CA5A: variants seen among roughly 807,000 people sequenced by gnomAD.
CA5A encodes the protein carbonic anhydrase 5A.
In CA5A, 28 loss-of-function variants were observed where a neutral mutation model predicts 37.1. That is an observed-to-expected ratio of 0.75 (90% confidence interval 0.56 to 1.03). The LOEUF (loss-of-function observed/expected upper bound fraction) is 1.03. CA5A is among the 50% of genes least tolerant of loss of function. The probability of loss-of-function intolerance (pLI) is 0.00; values close to 1 mark genes in which losing one functional copy is unlikely to be tolerated. For synonymous variants in CA5A, 171 were observed against 158.4 expected (o/e 1.08, Z -0.60); for missense variants, 444 against 399.9 (o/e 1.11, Z -0.94).
intron 2 of CA5A, among the ~76,000 whole-genome samples, chr16:87,922,668 C>T (rs556228655): frequency 6.6e-6 from 1 of 152,264 alleles, no homozygotes; most frequent in Non-Finnish European, 1.5e-5. Flanking sequence ...AGAGGCCCGT[C>T]TGGGCCCTGG....
At chr16:87,894,155 G>C (rs573578166) in intron 5 of CA5A, among the ~76,000 whole-genome samples, 1 of 151,882 alleles carries the variant, frequency 6.6e-6, no homozygotes, top group East Asian at 1.9e-4. Context: ...TTGAGGCAGA[G>C]TCTCACTCTG....
chr16:87,895,788 C>G (rs1395843403), intron 5 of CA5A, among the ~76,000 whole-genome samples: 1 of 152,114 alleles, frequency 6.6e-6, no homozygotes, highest in Non-Finnish European at 1.5e-5. Context: ...TTGTGTCTCT[C>G]ACTCAGCACG....
At chr16:87,910,121 C>T (rs567422184) in intron 2 of CA5A, among the ~76,000 whole-genome samples, 263 of 152,302 alleles carry the variant, frequency 1.7e-3, no homozygotes, top group Admixed American at 3.1e-3. Context: ...GAACTGGAAG[C>T]CACTGAAGCC....
chr16:87,909,472 G>A (rs868179568), intron 2 of CA5A, among the ~76,000 whole-genome samples: 2 of 152,376 alleles, frequency 1.3e-5, no homozygotes, highest in African/African-American at 2.4e-5. Flanking sequence ...GGAAGGCTGG[G>A]CCGCTGCGTT....
At chr16:87,926,466 C>T (rs1167216102) in intron 2 of CA5A, among the ~76,000 whole-genome samples, 1 of 152,212 alleles carries the variant, frequency 6.6e-6, no homozygotes, top group African/African-American at 2.4e-5. Flanking sequence ...CGCTGCAAGG[C>T]GAGCCCCACG....
chr16:87,896,050 A>G (rs955280167), intron 5 of CA5A, among the ~76,000 whole-genome samples: 4 of 152,244 alleles, frequency 2.6e-5, no homozygotes, highest in African/African-American at 7.2e-5. Context: ...ACACATCCCC[A>G]GGGCACAGAT....
At chr16:87,893,922 G>A (rs1040200646) in intron 5 of CA5A, among the ~76,000 whole-genome samples, 27 of 151,960 alleles carry the variant, frequency 1.8e-4, no homozygotes, top group Admixed American at 1.4e-3. Context: ...CCACACCAGG[G>A]TTTAAAATTA....
At chr16:87,889,742 G>A (rs2055686670) in intron 6 of CA5A, among the ~76,000 whole-genome samples, 1 of 151,958 alleles carries the variant, frequency 6.6e-6, no homozygotes, top group South Asian at 2.1e-4. Context: ...TTGCACTCCA[G>A]CCCGGGCAAG....
At chr16:87,909,501 A>C (rs1400917931) in intron 2 of CA5A, among the ~76,000 whole-genome samples, 4 of 152,242 alleles carry the variant, frequency 2.6e-5, no homozygotes, top group Non-Finnish European at 5.9e-5. Context: ...CAGCAGGTGC[A>C]GGGGCCGATG....
chr16:87,935,640 C>G (rs1386267978), intron 1 of CA5A, among the ~76,000 whole-genome samples: 1 of 152,174 alleles, frequency 6.6e-6, no homozygotes, highest in African/African-American at 2.4e-5. Flanking sequence ...CTTTGGGAGG[C>G]CAAGGTGGGT....
At chr16:87,913,860 G>A (rs746187897) in intron 2 of CA5A, among the ~76,000 whole-genome samples, 7 of 152,178 alleles carry the variant, frequency 4.6e-5, no homozygotes, top group African/African-American at 9.7e-5. Context: ...GGGTGCAGCC[G>A]TGTGTAGTGG....
At chr16:87,934,524 G>A (rs1298028706) in intron 1 of CA5A, among the ~76,000 whole-genome samples, 3 of 152,080 alleles carry the variant, frequency 2.0e-5, no homozygotes, top group Non-Finnish European at 4.4e-5. Context: ...GCTGGAGATC[G>A]CACCACTGCG....
chr16:87,892,555 T>TAATAATAAA (rs910885887), intron 5 of CA5A, among the ~76,000 whole-genome samples: 1 of 129,804 alleles, frequency 7.7e-6, no homozygotes, highest in African/African-American at 2.9e-5. Context: ...ATAATAATAA[T>TAATAATAAA]AAATTAATTA....
chr16:87,932,199 C>G lies in CA5A; in HGVS notation c.142+4110G>C, dbSNP rs1237724792. ...GATTGAGTGCACTCTACCCCCCCTC[C>G]CACGGCCGCTGCCTCCAGTCCTACC... On this transcript the variant is annotated intron_variant, in intron 1 of 6. Transcript: ENST00000649794. Among the ~76,000 whole-genome samples the G allele has an allele frequency of 2.0e-5, 3 of 152,158 alleles. No homozygotes were observed. In the East Asian group the frequency reaches 5.8e-4, roughly 29 times the overall value.
At chr16:87,927,082 G>GT in intron 1 of CA5A, 137 bp from the exon 2 acceptor site, 1 of 658,410 alleles carries the variant, frequency 1.5e-6, no homozygotes, top group South Asian at 1.9e-5. Context: ...AAACGGGCGC[G>GT]TGGGGGCCCC....
At chr16:87,916,105 T>C (rs13330981) in intron 2 of CA5A, among the ~76,000 whole-genome samples, 10,239 of 149,628 alleles carry the variant, frequency 0.068, 1,151 homozygotes, top group African/African-American at 0.24. Flanking sequence ...GAGGTGGAGC[T>C]TGCAGTGAGC....
chr16:87,904,340 CA>C (rs10648205), intron 3 of CA5A, among the ~76,000 whole-genome samples: 60 of 139,320 alleles, frequency 4.3e-4, no homozygotes, highest in Admixed American at 7.3e-4. Flanking sequence ...AACCCTGTTT[CA>C]AAAAAAAAAA....
intron 5 of CA5A, among the ~76,000 whole-genome samples, chr16:87,897,681 A>T (rs1205788220): frequency 1.3e-5 from 2 of 152,164 alleles, no homozygotes; most frequent in Non-Finnish European, 2.9e-5. Context: ...CGCCAGGATG[A>T]CTGGGACTTC....
intron 1 of CA5A, among the ~76,000 whole-genome samples, chr16:87,930,644 G>C (rs1427686893): frequency 6.6e-6 from 1 of 152,138 alleles, no homozygotes; most frequent in Non-Finnish European, 1.5e-5. Context: ...GGGGACTGCG[G>C]CGTGGGGACA....
Sources: allele counts gnomAD v4.1 joint callset (sites outside exome capture counted in the v4.1 genomes callset), GRCh38; gene constraint gnomAD v4.1.1; transcripts MANE v1.5; gene names NCBI Gene and HGNC (gene_info 2026-07-23, HGNC 2026-07-21).